Variants in RTN1 observed in about 807,000 individuals in gnomAD.
RTN1 encodes reticulon 1.
A neutral mutation model predicts 65.5 loss-of-function variants in RTN1; 25 were observed. The ratio of observed to expected loss-of-function variants is 0.38; its 90% CI spans 0.28 to 0.53. RTN1 has a LOEUF of 0.53. RTN1 is among the 20% of genes least tolerant of loss of function. The pLI is 0.79. For missense variants in RTN1, 983 were observed against 1,025.4 expected (o/e 0.96, Z 0.57); for synonymous variants, 471 against 447.6 (o/e 1.05, Z -0.66).
At chr14:59,607,945 G>A (rs956505501) in intron 3 of RTN1, among the ~76,000 whole-genome samples, 1 of 151,288 alleles carries the variant, frequency 6.6e-6, no homozygotes, top group Admixed American at 6.6e-5. Flanking sequence ...GCTGACATGT[G>A]GACTAAACCA....
chr14:59,670,519 G>A (rs1386920744), intron 3 of RTN1, among the ~76,000 whole-genome samples: 1 of 152,168 alleles, frequency 6.6e-6, no homozygotes, highest in Non-Finnish European at 1.5e-5. Context: ...TTTAGGTGAA[G>A]ATGGTTTTAA....
chr14:59,828,325 G>C (rs1236500921), intron 1 of RTN1, among the ~76,000 whole-genome samples: 1 of 152,184 alleles, frequency 6.6e-6, no homozygotes, highest in African/African-American at 2.4e-5. Context: ...AATGGAGAGA[G>C]GAAGAGAGAG....
intron 3 of RTN1, among the ~76,000 whole-genome samples, chr14:59,661,873 T>C (rs911708560): frequency 6.6e-6 from 1 of 152,198 alleles, no homozygotes; most frequent in African/African-American, 2.4e-5. Flanking sequence ...GCACTCCTAT[T>C]CAACATAGTG....
At position 59,727,498 on chromosome 14, in the gene RTN1, G is replaced by A; in HGVS notation, c.1186C>T (p.Pro396Ser). 6.3e-7 allele frequency: 1 copy of A among 1,593,744 alleles called. No individual in the cohort carries two copies. The highest frequency in any genetic ancestry group is 1.3e-5 in the African/African-American group (1 of 74,706). ...VKARSGPPTI[P>S]SPLDHEASSA... Reference sequence around the variant, plus strand: ...CTGGCCTCGTGGTCCAGGGGGCTGGGGATGGTTGGCGGTCCGGACCTGGCC... The same window carrying A: ...CTGGCCTCGTGGTCCAGGGGGCTGGAGATGGTTGGCGGTCCGGACCTGGCC... The change falls in exon 3 of 9, where the codon CCC (proline) becomes TCC (serine). Residue 396 changes from proline (P) to serine (S), a missense_variant. Around this residue, in one of 2 missense-constraint regions of RTN1, gnomAD observed 818 missense variants for 801.8 expected, o/e 1.02. Transcript: ENST00000267484. This position sits in a 1 kb window ranked among gnomAD's most constrained non-coding sequence, Gnocchi z 4.2.
intron 1 of RTN1, among the ~76,000 whole-genome samples, chr14:59,819,492 T>G (rs868604293): frequency 1.9e-4 from 23 of 119,872 alleles, no homozygotes; most frequent in Middle Eastern, 0.011. Context: ...ACATAAAAGT[T>G]CTCCAAGCCC....
intron 5 of RTN1, 123 bp from the exon 6 acceptor site, chr14:59,604,044 G>A: frequency 1.7e-6 from 1 of 595,408 alleles, no homozygotes. Context: ...GATAGTCAAT[G>A]AAAGGCGTTG....
intron 3 of RTN1, among the ~76,000 whole-genome samples, chr14:59,621,263 C>T (rs1882247810): frequency 6.6e-6 from 1 of 152,166 alleles, no homozygotes; most frequent in South Asian, 2.1e-4. Flanking sequence ...ATATGATCAG[C>T]TTTTCTCTTT....
chr14:59,672,991 T>C (rs1328958155), intron 3 of RTN1, among the ~76,000 whole-genome samples: 1 of 152,244 alleles, frequency 6.6e-6, no homozygotes, highest in Non-Finnish European at 1.5e-5. Context: ...AAGCTCAAAG[T>C]GAAATAATTT....
chr14:59,785,407 A>T (rs1169416021), intron 1 of RTN1, among the ~76,000 whole-genome samples: 2 of 152,274 alleles, frequency 1.3e-5, no homozygotes, highest in Non-Finnish European at 2.9e-5. Context: ...ACTAAAACTC[A>T]TAAGAAAAAT....
intron 1 of RTN1, among the ~76,000 whole-genome samples, chr14:59,759,947 T>G (rs1328856057): frequency 2.0e-5 from 3 of 152,218 alleles, no homozygotes; most frequent in Admixed American, 1.3e-4. Flanking sequence ...GGAGGCAATT[T>G]GGGAATTCCT....
chr14:59,795,078 G>A (rs1886415788), intron 1 of RTN1, among the ~76,000 whole-genome samples: 1 of 152,122 alleles, frequency 6.6e-6, no homozygotes, highest in African/African-American at 2.4e-5. Flanking sequence ...AATCCCATCT[G>A]CTGAGTTCTA....
At chr14:59,799,981 C>T (rs1886510082) in intron 1 of RTN1, among the ~76,000 whole-genome samples, 2 of 152,112 alleles carry the variant, frequency 1.3e-5, no homozygotes, top group Admixed American at 1.3e-4. Flanking sequence ...ATTCCTATCT[C>T]CACCCCCATA....
At chr14:59,831,992 C>G (rs527940479) in intron 1 of RTN1, among the ~76,000 whole-genome samples, 1 of 152,254 alleles carries the variant, frequency 6.6e-6, no homozygotes, top group Non-Finnish European at 1.5e-5. Context: ...CAATACATGC[C>G]AAGCTCCAGA....
chr14:59,630,175 C>G (rs1312827658), intron 3 of RTN1, among the ~76,000 whole-genome samples: 7 of 125,888 alleles, frequency 5.6e-5, no homozygotes, highest in Admixed American at 2.0e-4. Context: ...AAAGAACTCC[C>G]GGAGGAGGCG....
intron 3 of RTN1, among the ~76,000 whole-genome samples, chr14:59,644,667 G>A (rs948641833): frequency 2.0e-5 from 3 of 152,218 alleles, no homozygotes; most frequent in South Asian, 2.1e-4. Context: ...CTCACAGGAC[G>A]AGACCCACTG....
intron 1 of RTN1, among the ~76,000 whole-genome samples, chr14:59,869,891 G>A: frequency 6.6e-6 from 1 of 152,146 alleles, no homozygotes. Flanking sequence ...GCAAGGGTAA[G>A]GGGCAGTTAC....
intron 3 of RTN1, among the ~76,000 whole-genome samples, chr14:59,653,744 G>T (rs973525793): frequency 5.3e-5 from 8 of 151,706 alleles, no homozygotes; most frequent in Non-Finnish European, 1.2e-4. Flanking sequence ...AGAATAATAG[G>T]TTCCCAAAAT....
rs550775638 is a variant in RTN1, at chr14:59,596,429, T to C, written c.*316A>G. On this transcript the variant is annotated 3_prime_UTR_variant, in exon 9 of 9. Coordinates refer to ENST00000267484, the MANE Select transcript of RTN1 (RefSeq NM_021136.3). ...GGGAACATTAGAAGCTACAGAAGCA[T>C]TGCAGAGAAGAGAAGAAGAACACCG... 9.0e-6 allele frequency: 2 copies of C among 222,924 alleles called. No homozygotes were observed. Among genetic ancestry groups the C allele is most frequent in the East Asian group, 1.1e-4 (1 of 9,172 alleles). 13.8% of individuals were successfully genotyped at this position (222,924 alleles called of 1,614,324 possible). A position where few individuals can be genotyped will look rare whatever the true frequency, so the allele number is the denominator to read the frequency against.
chr14:59,716,730 G>T (rs990715301), intron 3 of RTN1, among the ~76,000 whole-genome samples: 1 of 151,808 alleles, frequency 6.6e-6, no homozygotes, highest in African/African-American at 2.4e-5. Flanking sequence ...GGCCAAAGCG[G>T]GTGGATCACG....
Sources: gnomAD v4.1 joint callset for allele counts (sites outside exome capture counted in the v4.1 genomes callset) on GRCh38, gnomAD v4.1.1 for gene constraint, gnomAD v4.1.1 regional missense constraint, Gnocchi (gnomAD v3.1) non-coding constraint, MANE v1.5 for transcripts, NCBI Gene and HGNC (gene_info 2026-07-23, HGNC 2026-07-21) for gene names.